IGDCC3: variants seen among roughly 807,000 people sequenced by gnomAD.
IGDCC3 encodes immunoglobulin superfamily DCC subclass member 3.
In IGDCC3, 47 loss-of-function variants were observed where a neutral mutation model predicts 72.0. That is an observed-to-expected ratio of 0.65 (90% confidence interval 0.52 to 0.83). The LOEUF (loss-of-function observed/expected upper bound fraction) is 0.83, where lower values mean the gene tolerates loss of function less well. IGDCC3 is among the 40% of genes least tolerant of loss of function. The pLI is 0.00. For synonymous variants in IGDCC3, 477 were observed against 472.8 expected (o/e 1.01, Z -0.11); for missense variants, 1,038 against 1,091.3 (o/e 0.95, Z 0.69).
At chr15:65,330,456 G>C in intron 10 of IGDCC3, 59 bp from the exon 11 acceptor site, 1 of 1,576,760 alleles carries the variant, frequency 6.3e-7, no homozygotes. Context: ...CCCTGTCCTA[G>C]CCAGGAAAGG....
chr15:65,365,354 C>CCACCCT (rs1424348201), intron 2 of IGDCC3, among the ~76,000 whole-genome samples: 1 of 152,110 alleles, frequency 6.6e-6, no homozygotes, highest in Non-Finnish European at 1.5e-5. Flanking sequence ...GATAGTACCC[C>CCACCCT]CACCCTCACA....
intron 4 of IGDCC3, among the ~76,000 whole-genome samples, chr15:65,335,069 A>G (rs948476510): frequency 3.3e-5 from 5 of 152,174 alleles, no homozygotes; most frequent in Admixed American, 6.5e-5. Flanking sequence ...GCAATGGGGA[A>G]GTCCTGGAGA....
At chr15:65,370,620 G>GTATA (rs71136346) in intron 2 of IGDCC3, among the ~76,000 whole-genome samples, 2,467 of 94,426 alleles carry the variant, frequency 0.026, 60 homozygotes, top group African/African-American at 0.071. Flanking sequence ...ATATGTATGT[G>GTATA]TATATATATA....
At chr15:65,354,645 G>C (rs137974151) in intron 2 of IGDCC3, among the ~76,000 whole-genome samples, 1 of 152,112 alleles carries the variant, frequency 6.6e-6, no homozygotes, top group African/African-American at 2.4e-5. Context: ...CAAATACTAG[G>C]TAAACACTAA....
At chr15:65,341,043 T>C (rs1249888159) in intron 2 of IGDCC3, among the ~76,000 whole-genome samples, 2 of 152,352 alleles carry the variant, frequency 1.3e-5, no homozygotes, top group East Asian at 1.9e-4. Flanking sequence ...TTTTCCAATA[T>C]AGTGGCCAGC....
intron 1 of IGDCC3, among the ~76,000 whole-genome samples, chr15:65,376,642 A>G (rs2091361076): frequency 7.9e-6 from 1 of 126,176 alleles, no homozygotes. Flanking sequence ...AGGAAGATGT[A>G]ATGTTTTAAG....
At chr15:65,341,772 T>C (rs2091083447) in intron 2 of IGDCC3, among the ~76,000 whole-genome samples, 1 of 152,146 alleles carries the variant, frequency 6.6e-6, no homozygotes, top group Non-Finnish European at 1.5e-5. Context: ...AAGCCACATG[T>C]GGCCATTTAT....
At chr15:65,355,069 C>T (rs1187335751) in intron 2 of IGDCC3, among the ~76,000 whole-genome samples, 1 of 152,202 alleles carries the variant, frequency 6.6e-6, no homozygotes, top group Non-Finnish European at 1.5e-5. Flanking sequence ...CCAAGCCCCC[C>T]AACCCTTGCT....
chr15:65,374,188 G>C (rs905489702), intron 2 of IGDCC3: 1 of 152,178 alleles, frequency 6.6e-6, no homozygotes, highest in African/African-American at 2.4e-5. Context: ...AGTCAAAGCA[G>C]CCTCTTTAAA....
intron 2 of IGDCC3, among the ~76,000 whole-genome samples, chr15:65,367,132 A>T (rs2091292056): frequency 6.6e-6 from 1 of 152,078 alleles, no homozygotes; most frequent in Non-Finnish European, 1.5e-5. Context: ...TCGCTTGAGG[A>T]TAGACGTTTC....
At chr15:65,362,570 G>C (rs79732200) in intron 2 of IGDCC3, among the ~76,000 whole-genome samples, 4 of 151,106 alleles carry the variant, frequency 2.6e-5, no homozygotes, top group African/African-American at 9.8e-5. Context: ...AGGGTGGGTG[G>C]GGGGGTGCAC....
chr15:65,337,793 C>T (rs1263355133), intron 2 of IGDCC3, among the ~76,000 whole-genome samples: 1 of 152,182 alleles, frequency 6.6e-6, no homozygotes. Flanking sequence ...CCCCCAGGCC[C>T]TGCTCCTTCG....
Position 65,377,262 on chromosome 15 carries a change from C to T in IGDCC3, c.103+424G>A, listed in dbSNP as rs1409097988. Among the ~76,000 whole-genome samples the T allele has an allele frequency of 6.6e-6, 1 of 152,194 alleles. No homozygotes were observed. The highest frequency in any genetic ancestry group is 1.5e-5 in the Non-Finnish European group (1 of 68,032). On this transcript the variant is annotated intron_variant, in intron 1 of 13. Coordinates refer to ENST00000327987, the MANE Select transcript of IGDCC3 (RefSeq NM_004884.4). The surrounding 1 kb of genome is among the most constrained non-coding windows in gnomAD (Gnocchi z 4.9). ...CCGTCAGAGTCCCGGTCTCCGCTCC[C>T]CAGGCTGCTGTCCCCTGTCTTGGCT... is the stretch of plus-strand genomic sequence containing the variant.
chr15:65,342,310 C>T (rs112124319), intron 2 of IGDCC3, among the ~76,000 whole-genome samples: 2,076 of 151,330 alleles, frequency 0.014, 41 homozygotes, highest in African/African-American at 0.043. Flanking sequence ...CGCTTGAACC[C>T]GGGAGGTGGA....
intron 4 of IGDCC3, 51 bp downstream of exon 4, chr15:65,335,240 G>T: frequency 6.4e-7 from 1 of 1,565,792 alleles, no homozygotes; most frequent in East Asian, 2.2e-5. Context: ...GGGTAGGGAG[G>T]AGGAGGAGGC....
rs569445504 is a variant in IGDCC3 at position 65,371,748 on chromosome 15, C to A, written c.409+3349G>T. Among the ~76,000 whole-genome samples, 477 of 152,266 alleles carry A rather than the reference C, an allele frequency of 3.1e-3. 1 individual carries two copies. The highest frequency in any genetic ancestry group is 5.2e-3 in the Non-Finnish European group (353 of 68,022). ...GGGTGGCAGGGACTCGGGGTAGGTC[C>A]CCCATCCTCCTCCCTGTAGCTAGTC... On this transcript the variant is annotated intron_variant, in intron 2 of 13. Transcript: ENST00000327987.
At chr15:65,331,008 G>A in intron 9 of IGDCC3, 42 bp downstream of exon 9, 1 of 1,603,402 alleles carries the variant, frequency 6.2e-7, no homozygotes, top group Non-Finnish European at 8.5e-7. Context: ...CTGATACCCT[G>A]AGTGAGTGCC....
chr15:65,365,937 G>A (rs939365115), intron 2 of IGDCC3, among the ~76,000 whole-genome samples: 28 of 152,338 alleles, frequency 1.8e-4, no homozygotes, highest in East Asian at 5.8e-4. Flanking sequence ...GCCGGGTGCA[G>A]TGGCTCATGC....
At chr15:65,349,081 T>C (rs893826741) in intron 2 of IGDCC3, among the ~76,000 whole-genome samples, 1 of 152,214 alleles carries the variant, frequency 6.6e-6, no homozygotes, top group Non-Finnish European at 1.5e-5. Context: ...TTATCTTTTC[T>C]ATTACTCAGG....
Sources: allele counts gnomAD v4.1 joint callset (sites outside exome capture counted in the v4.1 genomes callset), GRCh38; gene constraint gnomAD v4.1.1; non-coding constraint Gnocchi (gnomAD v3.1); transcripts MANE v1.5; gene names NCBI Gene and HGNC (gene_info 2026-07-23, HGNC 2026-07-21).